MACF1: variants seen among roughly 807,000 people sequenced by gnomAD.
MACF1 encodes microtubule-actin cross-linking factor 1.
A neutral mutation model predicts 854.8 loss-of-function variants in MACF1; 193 were observed. The observed-to-expected ratio is 0.23, with a 90% CI of 0.20 to 0.25. MACF1 has a LOEUF of 0.25. Among genes scored for constraint, MACF1 ranks in the 10% least tolerant of loss-of-function variants. The pLI, the probability that MACF1 is intolerant of heterozygous loss-of-function variation, is 1.00. For synonymous variants in MACF1, 3,185 were observed against 3,226.7 expected (o/e 0.99, Z 0.44); for missense variants, 7,722 against 8,929.1 (o/e 0.86, Z 5.45).
chr1:39,438,509 C>G (rs1644029465), intron 71 of MACF1, among the ~76,000 whole-genome samples: 1 of 152,176 alleles, frequency 6.6e-6, no homozygotes, highest in Non-Finnish European at 1.5e-5. Flanking sequence ...CCGGAGCCAC[C>G]CGCAGTGGCT....
intron 97 of MACF1, among the ~76,000 whole-genome samples, chr1:39,475,446 G>A (rs1278794799): frequency 7.1e-6 from 1 of 141,548 alleles, no homozygotes; most frequent in East Asian, 2.1e-4. Context: ...TCCAGCCTGG[G>A]TGACAAAGTG....
chr1:39,174,974 CTGTT>C (rs1644005458), intron 2 of MACF1, among the ~76,000 whole-genome samples: 1 of 152,170 alleles, frequency 6.6e-6, no homozygotes, highest in Non-Finnish European at 1.5e-5. Context: ...AGTCTCTGGG[CTGTT>C]TGTTTTATAA....
chr1:39,452,899 A>C (rs1015733933), intron 87 of MACF1, 87 bp downstream of exon 87: 17 of 1,484,602 alleles, frequency 1.1e-5, no homozygotes, highest in Middle Eastern at 1.8e-4. Flanking sequence ...TTTTTCTTGG[A>C]AATATCAGAG....
At chr1:39,093,412 T>G (rs1029881009) in intron 2 of MACF1, among the ~76,000 whole-genome samples, 11 of 149,378 alleles carry the variant, frequency 7.4e-5, no homozygotes, top group Non-Finnish European at 1.0e-4. Flanking sequence ...GCCTCCTGGG[T>G]TCAAGGGATT....
chr1:39,312,922 C>T (rs184410300), intron 26 of MACF1, among the ~76,000 whole-genome samples: 271 of 152,298 alleles, frequency 1.8e-3, no homozygotes, highest in Non-Finnish European at 2.0e-3. Context: ...ATGCTCTTTA[C>T]ATCCTCATAC....
intron 87 of MACF1, 64 bp from the exon 88 acceptor site, chr1:39,453,643 G>A (rs945233412): frequency 1.4e-6 from 2 of 1,450,264 alleles, no homozygotes; most frequent in Non-Finnish European, 9.7e-7. Flanking sequence ...CCCCCTCAGT[G>A]TAAACTAACA....
chr1:39,138,183 G>A (rs1465723533), intron 2 of MACF1, among the ~76,000 whole-genome samples: 1 of 150,596 alleles, frequency 6.6e-6, no homozygotes, highest in Non-Finnish European at 1.5e-5. Context: ...CAAGGATCTT[G>A]TTGAAATACT....
chr1:39,457,245 G>GCC (rs113698388), intron 89 of MACF1: 30 of 151,894 alleles, frequency 2.0e-4, no homozygotes, highest in African/African-American at 7.3e-4. Context: ...TTCCAGATCT[G>GCC]CCCCCCCTTT....
intron 95 of MACF1, among the ~76,000 whole-genome samples, chr1:39,465,798 A>C (rs1335469592): frequency 1.3e-5 from 2 of 152,214 alleles, no homozygotes; most frequent in East Asian, 3.8e-4. Flanking sequence ...ATGAAATTAT[A>C]AACACTAGTT....
chr1:39,373,634 C>G (rs1649449219), intron 52 of MACF1, among the ~76,000 whole-genome samples: 1 of 151,632 alleles, frequency 6.6e-6, no homozygotes, highest in Non-Finnish European at 1.5e-5. Context: ...GGGCTGATCA[C>G]TTGAGGTCGG....
chr1:39,169,773 CTTTT>C (rs11335031), intron 2 of MACF1, among the ~76,000 whole-genome samples: 5 of 97,490 alleles, frequency 5.1e-5, no homozygotes, highest in Non-Finnish European at 4.0e-5. Flanking sequence ...TTCTTTCTTT[CTTTT>C]TTTTTTTTTT....
At chr1:39,289,693 CTTTTTTTTTTTTTTTTTT>C (rs58188740) in intron 15 of MACF1, among the ~76,000 whole-genome samples, 2 of 28,966 alleles carry the variant, frequency 6.9e-5, no homozygotes, top group East Asian at 1.4e-3. Context: ...GTGGGTTGTC[CTTTTTTTTTTTTTTTTTT>C]TTTTTTTTTT....
chr1:39,390,578 A>G (rs1201286365), intron 58 of MACF1, among the ~76,000 whole-genome samples: 1 of 152,244 alleles, frequency 6.6e-6, no homozygotes, highest in Non-Finnish European at 1.5e-5. Flanking sequence ...AAACCCGTGA[A>G]GCAGTGCATT....
chr1:39,431,231 A>T (rs1367036803), intron 66 of MACF1, among the ~76,000 whole-genome samples: 2 of 152,178 alleles, frequency 1.3e-5, no homozygotes, highest in East Asian at 3.8e-4. Flanking sequence ...GTCCAAATGC[A>T]CCACAATCTT....
chr1:39,322,749 C>T, intron 32 of MACF1, 34 bp downstream of exon 32: 1 of 1,597,252 alleles, frequency 6.3e-7, no homozygotes. Context: ...ACACCACTGT[C>T]TTCCCTTAAG....
At chr1:39,134,882 T>G (rs1643124873) in intron 2 of MACF1, among the ~76,000 whole-genome samples, 1 of 152,248 alleles carries the variant, frequency 6.6e-6, no homozygotes, top group Admixed American at 6.5e-5. Context: ...CACTATTATC[T>G]ATCTCTAGAA....
At chr1:39,262,808 C>T (rs147566445) in intron 6 of MACF1, among the ~76,000 whole-genome samples, 3 of 152,270 alleles carry the variant, frequency 2.0e-5, no homozygotes, top group African/African-American at 7.2e-5. Flanking sequence ...TAGGTGGGAG[C>T]ACCGCTCCCA....
chr1:39,334,726 T>C lies in MACF1; in HGVS notation c.8138T>C (p.Val2713Ala). Residue 2713 changes from valine to alanine, a missense_variant, in exon 37 of 101, where the codon GTG becomes GCG. Transcript: ENST00000564288. ...GCATCAGCTTTGGAAGAGAAACTGG[T>C]GGATGAAAACATGGTCAGAATTATT... ...TLASALEEKL[V>A]DENMVRIIAS... 6.2e-7 allele frequency: 1 copy of C among 1,614,130 alleles called. No individual in the cohort carries two copies. Among genetic ancestry groups the C allele is most frequent in the Non-Finnish European group, 8.5e-7 (1 of 1,180,014 alleles).
At chr1:39,237,994 A>G (rs1228660744) in intron 2 of MACF1, among the ~76,000 whole-genome samples, 1 of 152,194 alleles carries the variant, frequency 6.6e-6, no homozygotes, top group African/African-American at 2.4e-5. Context: ...AGAAGAGTAA[A>G]AGGTGTTAAA....
Sources: allele counts gnomAD v4.1 joint callset (sites outside exome capture counted in the v4.1 genomes callset), GRCh38; gene constraint gnomAD v4.1.1; transcripts MANE v1.5; gene names NCBI Gene and HGNC (gene_info 2026-07-23, HGNC 2026-07-21).